The following CENPF variants were observed in gnomAD, a reference collection of about 807,000 sequenced individuals.
CENPF encodes AH antigen.
In CENPF, 214 loss-of-function variants were observed where a neutral mutation model predicts 307.3. The observed-to-expected ratio is 0.70, with a 90% CI of 0.62 to 0.78. The LOEUF (loss-of-function observed/expected upper bound fraction) is 0.78. CENPF is among the 30% of genes least tolerant of loss of function. The pLI is 0.00. For synonymous variants in CENPF, 1,259 were observed against 1,270.6 expected (o/e 0.99, Z 0.19); for missense variants, 3,401 against 3,483.9 (o/e 0.98, Z 0.60).
rs1658346379 is a variant in CENPF, at chr1:214,647,474, T to C, written c.7830+74T>C. Reference sequence around the variant, plus strand: ...AAACCATATTTTCTTCTAGACACTGTGAATTGTATTTACTTCTAGACCGTG... The same window carrying C: ...AAACCATATTTTCTTCTAGACACTGCGAATTGTATTTACTTCTAGACCGTG... On this transcript the variant is annotated intron_variant, in intron 13 of 19. Coordinates refer to ENST00000366955, the MANE Select transcript of CENPF (RefSeq NM_016343.4). 1.4e-5 allele frequency: 20 copies of C among 1,453,256 alleles called. No homozygotes were observed. In the Middle Eastern group the frequency reaches 6.8e-4, roughly 49 times the overall value. 90.0% of individuals were successfully genotyped at this position (1,453,256 alleles called of 1,614,324 possible). A position where few individuals can be genotyped will look rare whatever the true frequency, so the allele number is the denominator to read the frequency against.
At chr1:214,660,705 G>C (rs1320155828) in intron 19 of CENPF, among the ~76,000 whole-genome samples, 2 of 152,202 alleles carry the variant, frequency 1.3e-5, no homozygotes, top group African/African-American at 4.8e-5. Flanking sequence ...CACTTCTGGA[G>C]ATCAAACGAA....
chr1:214,621,489 T>C (rs1279026224), intron 6 of CENPF, among the ~76,000 whole-genome samples: 1 of 152,226 alleles, frequency 6.6e-6, no homozygotes, highest in East Asian at 1.9e-4. Context: ...TGTGATATAT[T>C]GAAAATCACT....
chr1:214,634,772 G>A (rs1432164246), intron 10 of CENPF, among the ~76,000 whole-genome samples: 1 of 152,152 alleles, frequency 6.6e-6, no homozygotes, highest in Non-Finnish European at 1.5e-5. Flanking sequence ...AATTTTGCCT[G>A]TTCTATTACT....
chr1:214,628,506 C>T (rs1050466375), intron 7 of CENPF, among the ~76,000 whole-genome samples: 16 of 152,178 alleles, frequency 1.1e-4, no homozygotes, highest in Non-Finnish European at 1.8e-4. Context: ...TGCAGTGGCA[C>T]GATCTTGGCT....
intron 19 of CENPF, among the ~76,000 whole-genome samples, chr1:214,661,972 C>T (rs901421559): frequency 2.0e-5 from 3 of 151,678 alleles, no homozygotes; most frequent in Admixed American, 2.0e-4. Flanking sequence ...ATAGACCATT[C>T]TGAAGCTAAC....
rs1658076460 is a variant in CENPF at position 214,640,361 on chromosome 1, C to A, written c.2023C>A (p.Leu675Ile). 3 of 1,613,732 alleles carry A rather than the reference C, an allele frequency of 1.9e-6. No individual in the cohort carries two copies. The highest frequency in any genetic ancestry group is 1.3e-5 in the African/African-American group (1 of 74,874). Residue 675 changes from leucine to isoleucine, a missense_variant, in exon 12 of 20, where the codon CTA becomes ATA. Physicochemically the swap from Leu to Ile is conservative, Grantham distance 5 (BLOSUM62 2). Coordinates refer to ENST00000366955, the MANE Select transcript of CENPF (RefSeq NM_016343.4). ...AACGCTGGAGATGGACAGAGAAAAC[C>A]TAAGTGTCGAGATCAGAAACCTTCA... ...VRTLEMDRENLSVEIRNLHNV... is the reference protein window; with the variant it reads ...VRTLEMDRENISVEIRNLHNV...
intron 10 of CENPF, among the ~76,000 whole-genome samples, chr1:214,633,951 C>A (rs996618021): frequency 6.6e-6 from 1 of 152,194 alleles, no homozygotes; most frequent in Non-Finnish European, 1.5e-5. Flanking sequence ...CCACTGGCTG[C>A]CTGGTGGAAA....
intron 14 of CENPF, 126 bp downstream of exon 14, chr1:214,648,953 T>A (rs1658386931): frequency 1.1e-6 from 1 of 908,844 alleles, no homozygotes; most frequent in Non-Finnish European, 1.7e-6. Flanking sequence ...AAAATAACCC[T>A]GTGCTTATGT....
intron 16 of CENPF, chr1:214,654,081 C>T (rs1272069193): frequency 6.6e-6 from 1 of 152,160 alleles, no homozygotes; most frequent in African/African-American, 2.4e-5. Flanking sequence ...CATTCCCCCT[C>T]CTCCTCCTGC....
At chr1:214,657,672 G>GA (rs1230500565) in intron 18 of CENPF, among the ~76,000 whole-genome samples, 1 of 152,136 alleles carries the variant, frequency 6.6e-6, no homozygotes, top group Non-Finnish European at 1.5e-5. Context: ...TTTGAATGCT[G>GA]AAAAAAATTA....
intron 4 of CENPF, among the ~76,000 whole-genome samples, chr1:214,618,928 T>G (rs1657431754): frequency 6.6e-6 from 1 of 152,214 alleles, no homozygotes; most frequent in Admixed American, 6.5e-5. Context: ...AGAAATTCAA[T>G]TTCAGAATAT....
At chr1:214,631,680 A>G (rs1471855822) in intron 9 of CENPF, among the ~76,000 whole-genome samples, 1 of 152,012 alleles carries the variant, frequency 6.6e-6, no homozygotes. Context: ...TTGTATTTTT[A>G]GTAGAGACGA....
At chr1:214,650,966 G>A (rs941870906) in intron 14 of CENPF, among the ~76,000 whole-genome samples, 4 of 152,046 alleles carry the variant, frequency 2.6e-5, no homozygotes, top group Non-Finnish European at 5.9e-5. Flanking sequence ...GAAGGAAGGA[G>A]TGGTCAGCAG....
At chr1:214,616,920 T>C (rs1027561781) in intron 3 of CENPF, among the ~76,000 whole-genome samples, 1 of 92,838 alleles carries the variant, frequency 1.1e-5, no homozygotes, top group Non-Finnish European at 2.2e-5. Context: ...TTTCTTTCTT[T>C]CTTCTTTCTT....
Position 214,642,567 on chromosome 1 carries a change from A to C in CENPF, c.4229A>C (p.Lys1410Thr). The C allele has an allele frequency of 6.2e-7, 1 of 1,610,352 alleles. No homozygotes were observed. Among genetic ancestry groups the C allele is most frequent in the Non-Finnish European group, 8.5e-7 (1 of 1,178,394 alleles). Residue 1410 changes from lysine (K) to threonine (T), a missense_variant, in exon 12 of 20, where the codon AAA becomes ACA. By Grantham distance (78) the Lys-to-Thr change is moderately conservative. Coordinates refer to ENST00000366955, the MANE Select transcript of CENPF (RefSeq NM_016343.4). ...ATGCACTTTGCCGAATTGCAAGAGA[A>C]ATTCTTATCTTTACAAAGTGAACAC... is the stretch of plus-strand genomic sequence containing the variant. The part of the protein sequence containing the change: ...VQMHFAELQE[K>T]FLSLQSEHKI...
intron 7 of CENPF, among the ~76,000 whole-genome samples, chr1:214,628,355 T>C (rs1488714454): frequency 6.6e-6 from 1 of 152,166 alleles, no homozygotes; most frequent in Non-Finnish European, 1.5e-5. Context: ...CGCCACGGGT[T>C]CATTTCATTT....
chr1:214,605,986 C>T, intron 1 of CENPF: 2 of 1,597,172 alleles, frequency 1.3e-6, no homozygotes, highest in South Asian at 2.2e-5. Flanking sequence ...GCAGCACCAC[C>T]GCGGCACACT....
chr1:214,660,878 G>T (rs1293710349), intron 19 of CENPF, among the ~76,000 whole-genome samples: 1 of 152,194 alleles, frequency 6.6e-6, no homozygotes. Flanking sequence ...TTATGTCTAT[G>T]CAGTGTCTGA....
intron 15 of CENPF, among the ~76,000 whole-genome samples, chr1:214,652,193 G>A (rs1417334042): frequency 5.4e-5 from 8 of 148,880 alleles, no homozygotes; most frequent in Admixed American, 1.3e-4. Context: ...CCGCCACCAC[G>A]CCCGGCTAAT....
Sources: allele counts gnomAD v4.1 joint callset (sites outside exome capture counted in the v4.1 genomes callset), GRCh38; gene constraint gnomAD v4.1.1; transcripts MANE v1.5; gene names NCBI Gene and HGNC (gene_info 2026-07-23, HGNC 2026-07-21).